MNAT1: variants seen among roughly 807,000 people sequenced by gnomAD.
MNAT1 encodes CDK-activating kinase assembly factor MAT1.
A neutral mutation model predicts 42.0 loss-of-function variants in MNAT1; 43 were observed. That is an observed-to-expected ratio of 1.02 (90% CI 0.80 to 1.32). MNAT1 has a LOEUF of 1.32. Ranked by LOEUF, MNAT1 falls within the 40% of genes most tolerant of loss-of-function variation. The probability of loss-of-function intolerance (pLI) is 0.00; values close to 1 mark genes in which losing one functional copy is unlikely to be tolerated. For synonymous variants in MNAT1, 118 were observed against 120.0 expected (o/e 0.98, Z 0.11); for missense variants, 306 against 350.4 (o/e 0.87, Z 1.01).
chr14:60,836,842 C>T (rs1488733165), intron 6 of MNAT1, among the ~76,000 whole-genome samples: 1 of 152,172 alleles, frequency 6.6e-6, no homozygotes, highest in East Asian at 1.9e-4. Flanking sequence ...CACCCATAGA[C>T]TCCCCTTCCC....
intron 6 of MNAT1, among the ~76,000 whole-genome samples, chr14:60,858,747 C>T (rs905182713): frequency 1.1e-4 from 17 of 152,198 alleles, no homozygotes; most frequent in Non-Finnish European, 2.5e-4. Flanking sequence ...CAGCCATCAA[C>T]ATCCAGACAA....
chr14:60,824,321 A>G (rs2032990594), intron 6 of MNAT1, among the ~76,000 whole-genome samples: 1 of 152,046 alleles, frequency 6.6e-6, no homozygotes, highest in Non-Finnish European at 1.5e-5. Flanking sequence ...AAAATTGCCT[A>G]CCTTGTTTGT....
chr14:60,894,135 G>A (rs1166873778), intron 7 of MNAT1, among the ~76,000 whole-genome samples: 4 of 152,078 alleles, frequency 2.6e-5, no homozygotes, highest in Non-Finnish European at 4.4e-5. Context: ...GACCCTAGGT[G>A]TGAGTTGGTT....
intron 7 of MNAT1, among the ~76,000 whole-genome samples, chr14:60,936,899 CT>C (rs2036009941): frequency 6.6e-6 from 1 of 152,068 alleles, no homozygotes; most frequent in Non-Finnish European, 1.5e-5. Flanking sequence ...TGTTTCCTGA[CT>C]TTTTAATGAT....
chr14:60,816,392 A>G (rs1013970729), intron 5 of MNAT1, among the ~76,000 whole-genome samples: 1 of 152,138 alleles, frequency 6.6e-6, no homozygotes, highest in African/African-American at 2.4e-5. Flanking sequence ...TCCTGTTTGA[A>G]AATTCGCTTC....
chr14:60,920,465 G>C (rs1015884477), intron 7 of MNAT1, among the ~76,000 whole-genome samples: 1 of 152,020 alleles, frequency 6.6e-6, no homozygotes. Context: ...CGTCGCCCAG[G>C]CTGGAGTGCA....
At chr14:60,813,240 T>G (rs569242221) in intron 5 of MNAT1, among the ~76,000 whole-genome samples, 1 of 152,242 alleles carries the variant, frequency 6.6e-6, no homozygotes, top group Non-Finnish European at 1.5e-5. Flanking sequence ...CTTGCTTGTG[T>G]CTGGTCTGAC....
chr14:60,764,570 T>G (rs1416118394), intron 1 of MNAT1, among the ~76,000 whole-genome samples: 1 of 152,186 alleles, frequency 6.6e-6, no homozygotes, highest in African/African-American at 2.4e-5. Context: ...AGGGAAGATT[T>G]GAGACAGATT....
chr14:60,890,343 T>A (rs2034807053), intron 7 of MNAT1, among the ~76,000 whole-genome samples: 1 of 152,180 alleles, frequency 6.6e-6, no homozygotes, highest in African/African-American at 2.4e-5. Flanking sequence ...GTTGATTGCA[T>A]CTCTTCATCT....
chr14:60,797,965 T>C, intron 2 of MNAT1, 122 bp from the exon 3 acceptor site: 1 of 538,936 alleles, frequency 1.9e-6, no homozygotes, highest in Non-Finnish European at 3.4e-6. Context: ...AACGATGTTT[T>C]ACACAGTAAG....
chr14:60,813,709 G>T (rs537532080), intron 5 of MNAT1, among the ~76,000 whole-genome samples: 12 of 152,188 alleles, frequency 7.9e-5, no homozygotes, highest in African/African-American at 2.6e-4. Flanking sequence ...ATTCATTTGG[G>T]ATACTCAGTC....
chr14:60,742,589 AT>A, intron 1 of MNAT1, among the ~76,000 whole-genome samples: 1 of 152,326 alleles, frequency 6.6e-6, no homozygotes, highest in Admixed American at 6.5e-5. Flanking sequence ...CTTTTAGTAT[AT>A]TCTCAGAGAT....
At chr14:60,959,920 G>GTTTTTT (rs11359127) in intron 7 of MNAT1, among the ~76,000 whole-genome samples, 1 of 93,166 alleles carries the variant, frequency 1.1e-5, no homozygotes, top group African/African-American at 3.8e-5. Context: ...TGGTTTTTAT[G>GTTTTTT]TTTTTTTTTT....
Position 60,740,783 on chromosome 14 carries a change from G to C in MNAT1, c.89+5832G>C, listed in dbSNP as rs1350112972. Among the ~76,000 whole-genome samples, 1 of 152,106 alleles carries C rather than the reference G, an allele frequency of 6.6e-6. No homozygotes were observed. Among genetic ancestry groups the C allele is most frequent in the Non-Finnish European group, 1.5e-5 (1 of 68,010 alleles). ...AAAGCTTGCTTATGGTCCAGCATAT[G>C]GCCTGTCTTTGTGAACAATCAGTGT... is the stretch of plus-strand genomic sequence containing the variant. On this transcript the variant is annotated intron_variant, in intron 1 of 7. Coordinates refer to ENST00000261245, the MANE Select transcript of MNAT1 (RefSeq NM_002431.4). The surrounding 1 kb of genome is among the most constrained non-coding windows in gnomAD (Gnocchi z 4.1).
intron 7 of MNAT1, among the ~76,000 whole-genome samples, chr14:60,948,693 A>G (rs941847793): frequency 2.6e-5 from 4 of 152,112 alleles, no homozygotes; most frequent in Admixed American, 1.3e-4. Flanking sequence ...TATTAGACTT[A>G]TATCTCCTAG....
At chr14:60,941,284 A>G (rs1361798613) in intron 7 of MNAT1, among the ~76,000 whole-genome samples, 1 of 152,134 alleles carries the variant, frequency 6.6e-6, no homozygotes, top group Non-Finnish European at 1.5e-5. Context: ...TGTATTAATG[A>G]ATTTATGGTC....
At chr14:60,851,480 C>T (rs1343935647) in intron 6 of MNAT1, among the ~76,000 whole-genome samples, 3 of 152,112 alleles carry the variant, frequency 2.0e-5, no homozygotes, top group African/African-American at 7.2e-5. Context: ...CTTTGTGTCT[C>T]TGTGTCACAC....
At chr14:60,808,270 A>T in intron 3 of MNAT1, 55 bp from the exon 4 acceptor site, 1 of 1,093,602 alleles carries the variant, frequency 9.1e-7, no homozygotes, top group Non-Finnish European at 1.3e-6. Context: ...TTTATTGTCT[A>T]CTCAAGATTT....
chr14:60,840,057 TC>T (rs2139399231), intron 6 of MNAT1, among the ~76,000 whole-genome samples: 1 of 152,360 alleles, frequency 6.6e-6, no homozygotes, highest in South Asian at 2.1e-4. Flanking sequence ...ATCCTGCGGA[TC>T]CCTAGAAAGA....
Sources: gnomAD v4.1 joint callset for allele counts (sites outside exome capture counted in the v4.1 genomes callset) on GRCh38, gnomAD v4.1.1 for gene constraint, Gnocchi (gnomAD v3.1) non-coding constraint, MANE v1.5 for transcripts, NCBI Gene and HGNC (gene_info 2026-07-23, HGNC 2026-07-21) for gene names.